Variants in TP53I13 observed in about 807,000 individuals in gnomAD.
The protein encoded by TP53I13 is tumor protein p53-inducible protein 13.
In TP53I13, 27 loss-of-function variants were observed where a neutral mutation model predicts 39.1. That is an observed-to-expected ratio of 0.69 (90% confidence interval 0.51 to 0.95). The LOEUF is 0.95. TP53I13 is among the 40% of genes least tolerant of loss of function. The pLI is 0.00. For missense variants in TP53I13, 544 were observed against 520.4 expected (o/e 1.05, Z -0.44); for synonymous variants, 230 against 224.6 (o/e 1.02, Z -0.22).
At chr17:29,576,450 T>G, downstream of TP53I13, 1 of 1,612,668 alleles carries the variant, frequency 6.2e-7, no homozygotes, top group South Asian at 1.1e-5. Context: ...AGCTTGTGGA[T>G]CTATGGGTGC....
downstream of TP53I13, chr17:29,575,486 A>G (rs759909950): frequency 6.3e-7 from 1 of 1,593,778 alleles, no homozygotes; most frequent in Non-Finnish European, 8.5e-7. This position sits in a 1 kb window ranked among gnomAD's most constrained non-coding sequence, Gnocchi z 5.5. Flanking sequence ...GCCCAGGTCC[A>G]GAAAACAGAG....
At chr17:29,577,751 G>T, downstream of TP53I13, 1 of 1,570,700 alleles carries the variant, frequency 6.4e-7, no homozygotes, top group Non-Finnish European at 8.8e-7. Context: ...CACTGTAGGG[G>T]ACGGACAGGA....
In TP53I13 at chr17:29,568,977, C is replaced by T. The variant is rs773726121; in HGVS notation, c.73-41C>T. 14 of 1,591,922 alleles carry T rather than the reference C, an allele frequency of 8.8e-6. No homozygotes were observed. Among genetic ancestry groups the T allele is most frequent in the Non-Finnish European group, 1.2e-5 (14 of 1,170,764 alleles). ...CCTGGGGAGAGAGAGGGCAGGGCCT[C>T]GCCGCGTCCAGCGCCCCAACTCTTC... On this transcript the variant is annotated intron_variant, in intron 1 of 6. Transcript: ENST00000301057. The surrounding 1 kb of genome is among the most constrained non-coding windows in gnomAD (Gnocchi z 4.5).
At chr17:29,582,188 C>T in the TP53I13 span, 17 of 1,403,734 alleles carry the variant, frequency 1.2e-5, no homozygotes, top group Admixed American at 9.9e-5. Context: ...GTGCGTGAGG[C>T]GCACCTCCCC....
intron 3 of TP53I13, chr17:29,570,874 C>T (rs79782423): frequency 0.012 from 1,856 of 152,630 alleles, 38 homozygotes; most frequent in African/African-American, 0.043. Flanking sequence ...CATACTCCCC[C>T]AGCCATCTTC....
At chr17:29,569,454 T>C in intron 3 of TP53I13, 95 bp downstream of exon 3, 1 of 1,234,300 alleles carries the variant, frequency 8.1e-7, no homozygotes, top group Non-Finnish European at 1.2e-6. Context: ...ATCGGCCCCA[T>C]TCCTTACCAC....
downstream of TP53I13, chr17:29,576,142 T>C (rs765749204): frequency 6.2e-7 from 1 of 1,613,614 alleles, no homozygotes; most frequent in Non-Finnish European, 8.5e-7. Context: ...CTGGGGATGT[T>C]AGCACAGCGA....
At chr17:29,573,655 G>A (rs1278611082), downstream of TP53I13, 1 of 152,548 alleles carries the variant, frequency 6.6e-6, no homozygotes, top group Non-Finnish European at 1.5e-5. Flanking sequence ...GCCTCCAGAG[G>A]GTGGGACCAC....
the TP53I13 span, chr17:29,579,273 T>A: frequency 2.0e-6 from 1 of 499,344 alleles, no homozygotes; most frequent in Non-Finnish European, 3.6e-6. Context: ...GGTTCCTCAA[T>A]CACCTGTTGC....
At chr17:29,578,078 C>A (rs2033274582), downstream of TP53I13, among the ~76,000 whole-genome samples, 1 of 152,192 alleles carries the variant, frequency 6.6e-6, no homozygotes, top group South Asian at 2.1e-4. Context: ...AAGAGGAGCC[C>A]CAGTCTGAGG....
downstream of TP53I13, chr17:29,575,365 A>G (rs765288737): frequency 3.1e-6 from 5 of 1,613,648 alleles, no homozygotes; most frequent in Non-Finnish European, 4.2e-6. This position sits in a 1 kb window ranked among gnomAD's most constrained non-coding sequence, Gnocchi z 5.5. Flanking sequence ...TCAAGATGAC[A>G]TCCTCTGTGC....
downstream of TP53I13, chr17:29,573,968 T>A (rs2033084718): frequency 6.6e-6 from 1 of 152,498 alleles, no homozygotes; most frequent in Non-Finnish European, 1.5e-5. Flanking sequence ...GAAGGGAAGC[T>A]GATCCCCATG....
downstream of TP53I13, chr17:29,573,763 G>A (rs1455359449): frequency 6.6e-6 from 1 of 152,658 alleles, no homozygotes; most frequent in Non-Finnish European, 1.5e-5. Flanking sequence ...ACCCCGGGGA[G>A]CCAGCCCCAG....
chr17:29,578,473 C>A, the TP53I13 span: 1 of 1,063,970 alleles, frequency 9.4e-7, no homozygotes, highest in South Asian at 1.3e-5. Flanking sequence ...GGTGGCCTTC[C>A]TTGTGCTGCC....
downstream of TP53I13, chr17:29,577,326 G>T: frequency 9.5e-7 from 1 of 1,052,986 alleles, no homozygotes; most frequent in Non-Finnish European, 1.5e-6. Context: ...AAGTAGCAAG[G>T]CATGGCTCTG....
chr17:29,566,321 T>C, upstream of TP53I13: 2 of 1,611,608 alleles, frequency 1.2e-6, no homozygotes, highest in Non-Finnish European at 1.7e-6. Flanking sequence ...ACCGCCTCCT[T>C]GAGGTCGGAC....
At position 29,569,251 on chromosome 17, in the gene TP53I13, C is replaced by T. The variant is rs920067972; in HGVS notation, c.142-67C>T. The T allele has an allele frequency of 2.6e-6, 4 of 1,562,080 alleles. No homozygotes were observed. In the African/African-American group the frequency reaches 5.4e-5, roughly 21 times the overall value. ...CAGCCTGGCGCTTGGGGCCTGCCGT[C>T]CCCTCCCCACCACACACACACGGAG... On this transcript the variant is annotated intron_variant, in intron 2 of 6. Transcript: ENST00000301057.
chr17:29,576,061 GCCTT>G, downstream of TP53I13: 1 of 1,612,688 alleles, frequency 6.2e-7, no homozygotes, highest in East Asian at 2.2e-5. Context: ...AGATGGACAC[GCCTT>G]CCCCAGGCTT....
Position 29,572,449 on chromosome 17 carries a change from G to A in TP53I13, c.821G>A (p.Gly274Glu). ...AGGACAGAGGCTCAGGTGCCCAACG[G>A]GCAAGGCAGCCCAGGGGGCTGTGTC... ...SSRTEAQVPNGQGSPGGCVCS... is the reference protein window; with the variant it reads ...SSRTEAQVPNEQGSPGGCVCS... Residue 274 changes from glycine to glutamate, a missense_variant, in exon 6 of 7, where the codon GGG becomes GAG. Physicochemically the swap from Gly to Glu is moderately conservative, Grantham distance 98. Transcript: ENST00000301057. The A allele has an allele frequency of 6.3e-7, 1 of 1,578,796 alleles. No homozygotes were observed. Among genetic ancestry groups the A allele is most frequent in the Non-Finnish European group, 8.6e-7 (1 of 1,159,710 alleles).
Sources: gnomAD v4.1 joint callset for allele counts (sites outside exome capture counted in the v4.1 genomes callset) on GRCh38, gnomAD v4.1.1 for gene constraint, Gnocchi (gnomAD v3.1) non-coding constraint, MANE v1.5 for transcripts, NCBI Gene and HGNC (gene_info 2026-07-23, HGNC 2026-07-21) for gene names.